The following ATF7 variants were observed in gnomAD, a reference collection of about 807,000 sequenced individuals.
ATF7 encodes cyclic AMP-dependent transcription factor ATF-7.
ATF7 carries 10 observed loss-of-function variants against 50.4 expected under a neutral mutation model. The ratio of observed to expected loss-of-function variants is 0.20; its 90% confidence interval spans 0.12 to 0.34. The LOEUF (loss-of-function observed/expected upper bound fraction) is 0.34. ATF7 is among the 10% of genes least tolerant of loss of function. The pLI is 1.00. For missense variants in ATF7, 465 were observed against 613.9 expected, an observed-to-expected ratio of 0.76 and a Z score of 2.56; for synonymous variants, 201 against 226.4, an observed-to-expected ratio of 0.89 and a Z score of 1.01.
chr12:53,564,161 G>A (rs1288031500), intron 2 of ATF7, among the ~76,000 whole-genome samples: 1 of 152,170 alleles, frequency 6.6e-6, no homozygotes, highest in Non-Finnish European at 1.5e-5. Flanking sequence ...GATCACTTGA[G>A]GCTAGGCGTT....
intron 3 of ATF7, among the ~76,000 whole-genome samples, chr12:53,545,544 C>G (rs1939846160): frequency 6.6e-6 from 1 of 152,054 alleles, no homozygotes; most frequent in Non-Finnish European, 1.5e-5. Flanking sequence ...CCATGTTGGT[C>G]AGGCTGGTCT....
chr12:53,543,314 C>T lies in ATF7; in HGVS notation c.264+16G>A. Reference sequence around the variant, plus strand: ...CTGAATACCACCAGTTTTTTGGCAACAGTCCTGCTTCTTGCCTTTTTCTCA... The same window carrying T: ...CTGAATACCACCAGTTTTTTGGCAATAGTCCTGCTTCTTGCCTTTTTCTCA... On this transcript the variant is annotated intron_variant, in intron 4 of 11. Transcript: ENST00000420353. The T allele has an allele frequency of 1.3e-6, 2 of 1,566,724 alleles. No individual in the cohort carries two copies. The highest frequency in any genetic ancestry group is 1.7e-6 in the Non-Finnish European group (2 of 1,154,322).
At chr12:53,625,046 T>C (rs900074387) in intron 1 of ATF7, among the ~76,000 whole-genome samples, 1 of 152,194 alleles carries the variant, frequency 6.6e-6, no homozygotes, top group African/African-American at 2.4e-5. Flanking sequence ...GTACTTAATA[T>C]GACATGACCC....
At chr12:53,550,857 C>T (rs1940312370) in intron 3 of ATF7, among the ~76,000 whole-genome samples, 1 of 152,162 alleles carries the variant, frequency 6.6e-6, no homozygotes, top group Non-Finnish European at 1.5e-5. Context: ...AATAGGAGAA[C>T]ATGTTTTCTC....
At chr12:53,555,887 C>T (rs1940719296) in intron 2 of ATF7, among the ~76,000 whole-genome samples, 1 of 152,054 alleles carries the variant, frequency 6.6e-6, no homozygotes, top group Admixed American at 6.5e-5. Flanking sequence ...GCAATCTTGG[C>T]TCACTGCAAC....
At chr12:53,580,980 C>A (rs1482610227) in intron 2 of ATF7, among the ~76,000 whole-genome samples, 1 of 151,784 alleles carries the variant, frequency 6.6e-6, no homozygotes. Flanking sequence ...GGCATGGTAG[C>A]ATGCACCTGT....
At chr12:53,601,803 G>A (rs1420834889) in intron 1 of ATF7, among the ~76,000 whole-genome samples, 1 of 152,170 alleles carries the variant, frequency 6.6e-6, no homozygotes, top group Non-Finnish European at 1.5e-5. Context: ...CTCTGTTGCA[G>A]CCAACAGATG....
At chr12:53,589,052 T>C (rs1942840950) in intron 2 of ATF7, among the ~76,000 whole-genome samples, 1 of 152,192 alleles carries the variant, frequency 6.6e-6, no homozygotes, top group Non-Finnish European at 1.5e-5. Flanking sequence ...CTTAGCTGAC[T>C]GATTTGGACC....
chr12:53,595,179 G>A (rs1943104060), intron 2 of ATF7, among the ~76,000 whole-genome samples: 1 of 152,074 alleles, frequency 6.6e-6, no homozygotes, highest in African/African-American at 2.4e-5. Flanking sequence ...AAAAACTCTT[G>A]GCAGAGGGTG....
At chr12:53,537,588 A>G (rs185161737) in intron 4 of ATF7, 36 bp from the exon 5 acceptor site, 5 of 1,606,368 alleles carry the variant, frequency 3.1e-6, no homozygotes, top group African/African-American at 2.7e-5. Flanking sequence ...GTTTAACCCT[A>G]TGATTCCTTT....
At chr12:53,593,092 A>C (rs1430701150) in intron 2 of ATF7, among the ~76,000 whole-genome samples, 1 of 152,146 alleles carries the variant, frequency 6.6e-6, no homozygotes, top group Admixed American at 6.5e-5. Flanking sequence ...CTTTTCTTAA[A>C]ATATTACAAA....
intron 1 of ATF7, among the ~76,000 whole-genome samples, chr12:53,607,573 A>G (rs1449348754): frequency 2.6e-5 from 4 of 152,242 alleles, no homozygotes; most frequent in African/African-American, 9.6e-5. Context: ...GTACTGCCTT[A>G]TAATAAACTA....
intron 2 of ATF7, among the ~76,000 whole-genome samples, chr12:53,571,698 A>G (rs1251725580): frequency 6.6e-6 from 1 of 151,920 alleles, no homozygotes; most frequent in Non-Finnish European, 1.5e-5. Context: ...CCACCACAAC[A>G]AAAGAAACTA....
intron 2 of ATF7, among the ~76,000 whole-genome samples, chr12:53,555,520 T>C (rs1338018686): frequency 4.4e-5 from 3 of 68,680 alleles, no homozygotes; most frequent in Non-Finnish European, 8.5e-5. Context: ...TTTTTTTTTG[T>C]GAGACGGAGT....
chr12:53,521,477 A>T (rs1037235728), intron 11 of ATF7, among the ~76,000 whole-genome samples: 1 of 152,148 alleles, frequency 6.6e-6, no homozygotes, highest in African/African-American at 2.4e-5. Context: ...TGTACCAGGT[A>T]CCTTGCGACT....
At chr12:53,551,415 G>A (rs979980865) in intron 3 of ATF7, among the ~76,000 whole-genome samples, 1 of 151,918 alleles carries the variant, frequency 6.6e-6, no homozygotes, top group African/African-American at 2.4e-5. Context: ...TCCTGCCTTG[G>A]CCTCCCAAAG....
At chr12:53,585,199 C>T (rs372976109) in intron 2 of ATF7, among the ~76,000 whole-genome samples, 1 of 152,132 alleles carries the variant, frequency 6.6e-6, no homozygotes, top group South Asian at 2.1e-4. Flanking sequence ...TGGTCTTGAA[C>T]TCCTGGGCTC....
intron 9 of ATF7, among the ~76,000 whole-genome samples, chr12:53,531,238 T>G (rs1319411384): frequency 6.6e-6 from 1 of 151,760 alleles, no homozygotes; most frequent in Non-Finnish European, 1.5e-5. Context: ...CTGGCCAACA[T>G]GGTGAGACCC....
chr12:53,528,339 C>A (rs1419381579), intron 9 of ATF7, among the ~76,000 whole-genome samples: 3 of 152,150 alleles, frequency 2.0e-5, no homozygotes, highest in African/African-American at 7.2e-5. Context: ...AAAGATTAGT[C>A]CTTTATGGCC....
Sources: allele counts gnomAD v4.1 joint callset (sites outside exome capture counted in the v4.1 genomes callset), GRCh38; gene constraint gnomAD v4.1.1; transcripts MANE v1.5; gene names NCBI Gene and HGNC (gene_info 2026-07-23, HGNC 2026-07-21).